ADAM29: variants seen among roughly 807,000 people sequenced by gnomAD.
The protein encoded by ADAM29 is disintegrin and metalloproteinase domain-containing protein 29.
For synonymous variants in ADAM29, 367 were observed against 342.3 expected (o/e 1.07, Z -0.80); for missense variants, 969 against 1,001.8 (o/e 0.97, Z 0.44).
Position 174,975,625 on chromosome 4 carries a change from G to A in ADAM29, c.100G>A (p.Val34Met), listed in dbSNP as rs373362630. The A allele has an allele frequency of 6.2e-7, 1 of 1,612,050 alleles. No homozygotes were observed. The highest frequency in any genetic ancestry group is 8.5e-7 in the Non-Finnish European group (1 of 1,178,948). ...HPQYHSPPDV[V>M]IPVRITGTTR... ...CCAATATCACAGCCCTCCGGATGTG[G>A]TGATTCCTGTGAGGATAACTGGCAC... Residue 34 changes from valine (V) to methionine (M), a missense_variant, in exon 5 of 5, where the codon GTG (valine) becomes ATG (methionine). Coordinates refer to ENST00000359240, the MANE Select transcript of ADAM29 (RefSeq NM_014269.4).
At chr4:174,947,378 T>C (rs899280205) in intron 4 of ADAM29, among the ~76,000 whole-genome samples, 2 of 152,150 alleles carry the variant, frequency 1.3e-5, no homozygotes, top group African/African-American at 4.8e-5. Flanking sequence ...GGTGTGGGCA[T>C]CTAGCACTAA....
intron 2 of ADAM29, chr4:174,923,981 G>A (rs1010619601): frequency 3.3e-5 from 5 of 152,200 alleles, no homozygotes; most frequent in Non-Finnish European, 7.3e-5. Context: ...CTGTCTTCAT[G>A]AATTCTTTGA....
intron 4 of ADAM29, among the ~76,000 whole-genome samples, chr4:174,967,756 G>A (rs1248705267): frequency 1.3e-5 from 2 of 152,122 alleles, no homozygotes; most frequent in Admixed American, 1.3e-4. Flanking sequence ...TCATGAAACC[G>A]CTTGGACTCA....
intron 4 of ADAM29, among the ~76,000 whole-genome samples, chr4:174,941,627 C>T (rs555695239): frequency 2.0e-3 from 309 of 152,148 alleles, no homozygotes; most frequent in Non-Finnish European, 2.9e-3. Flanking sequence ...GAAGTTCACC[C>T]CCATGATCAA....
Position 174,956,150 on chromosome 4 carries a change from C to T in ADAM29, c.-181+19137C>T, listed in dbSNP as rs78852969. Among the ~76,000 whole-genome samples the T allele has an allele frequency of 5.8e-3, 888 of 152,076 alleles. 10 individuals are homozygous for T. The highest frequency in any genetic ancestry group is 0.021 in the African/African-American group (856 of 41,544). On this transcript the variant is annotated intron_variant, in intron 4 of 4. Coordinates refer to ENST00000359240, the MANE Select transcript of ADAM29 (RefSeq NM_014269.4). ...CTTGAAGTCATATCTCTTACTGAGA[C>T]GCTTTCTTCCATCTCCTCCTCATCG...
At chr4:174,972,119 A>G (rs1377277911) in intron 4 of ADAM29, among the ~76,000 whole-genome samples, 1 of 152,132 alleles carries the variant, frequency 6.6e-6, no homozygotes, top group Non-Finnish European at 1.5e-5. Flanking sequence ...CTCCATAAAC[A>G]TCTTTATATC....
chr4:174,929,415 C>T (rs1326622220), intron 2 of ADAM29, among the ~76,000 whole-genome samples: 2 of 152,128 alleles, frequency 1.3e-5, no homozygotes, highest in Non-Finnish European at 2.9e-5. Flanking sequence ...AGATGAGGTC[C>T]TTATCACACA....
At chr4:174,931,667 A>G (rs1743885699) in intron 3 of ADAM29, among the ~76,000 whole-genome samples, 1 of 152,172 alleles carries the variant, frequency 6.6e-6, no homozygotes, top group Non-Finnish European at 1.5e-5. Context: ...CATAACCAAG[A>G]TCACACATAT....
chr4:174,973,647 T>C (rs1327493850), intron 4 of ADAM29, among the ~76,000 whole-genome samples: 1 of 152,182 alleles, frequency 6.6e-6, no homozygotes, highest in Non-Finnish European at 1.5e-5. Flanking sequence ...TGTGCTTTTG[T>C]GGGCTGAGTT....
At position 174,977,459 on chromosome 4, in the gene ADAM29, A is replaced by G. The variant is rs367933220; in HGVS notation, c.1934A>G (p.Asn645Ser). 3 of 1,613,920 alleles carry G rather than the reference A, an allele frequency of 1.9e-6. No homozygotes were observed. Among genetic ancestry groups the G allele is most frequent in the East Asian group, 2.2e-5 (1 of 44,888 alleles). ...AACAATAAACATCACTGCCATTGCA[A>G]TTATCTGTGGGACCCTCCCAACTGC... ...ICNNKHHCHC[N>S]YLWDPPNCLI... The change falls in exon 5 of 5, where the codon AAT (asparagine) becomes AGT (serine). Residue 645 changes from asparagine to serine, a missense_variant. Physicochemically the swap from Asn to Ser is conservative, Grantham distance 46. Transcript: ENST00000359240.
intron 2 of ADAM29, among the ~76,000 whole-genome samples, chr4:174,922,282 C>A (rs901608272): frequency 1.6e-4 from 25 of 152,272 alleles, no homozygotes; most frequent in African/African-American, 5.8e-4. Flanking sequence ...GTTACATACA[C>A]TCTTTCAACA....
Position 174,977,833 on chromosome 4 carries a change from C to T in ADAM29, c.2308C>T (p.Pro770Ser). Residue 770 changes from proline to serine, a missense_variant, in exon 5 of 5, where the codon CCT becomes TCT. Physicochemically the swap from Pro to Ser is moderately conservative, Grantham distance 74. Transcript: ENST00000359240. ...QPPVTPSQSQ[P>S]RVMPSQSQPP... is the part of the protein sequence containing the mutation. ...TCCTGTGACACCCTCCCAGAGTCAA[C>T]CTCGGGTGATGCCTTCTCAGAGTCA... The T allele has an allele frequency of 6.3e-7, 1 of 1,585,560 alleles. No homozygotes were observed. Among genetic ancestry groups the T allele is most frequent in the South Asian group, 1.1e-5 (1 of 88,986 alleles).
chr4:174,971,229 A>T (rs1026689700), intron 4 of ADAM29, among the ~76,000 whole-genome samples: 22 of 152,328 alleles, frequency 1.4e-4, no homozygotes, highest in African/African-American at 4.6e-4. Flanking sequence ...TGAATAAAAA[A>T]TAATAGTCAT....
chr4:174,977,665 T>A lies in ADAM29; in HGVS notation c.2140T>A (p.Ser714Thr), dbSNP rs551435964. 7 of 1,614,248 alleles carry A rather than the reference T, an allele frequency of 4.3e-6. No homozygotes were observed. The South Asian group carries it at 6.6e-5, about 15-fold the overall frequency. ...IKKQQDVQTP[S>T]AKEEEKIQRR... ...AAAGCAGCAAGATGTTCAAACTCCA[T>A]CTGCAAAAGAAGAGGAAAAAATTCA... The change falls in exon 5 of 5, where the codon TCT becomes ACT. Residue 714 changes from serine (S) to threonine (T), a missense_variant. Ser to Thr is a moderately conservative substitution (Grantham distance 58). Transcript: ENST00000359240.
chr4:174,971,217 A>T (rs993912051), intron 4 of ADAM29, among the ~76,000 whole-genome samples: 6 of 152,198 alleles, frequency 3.9e-5, no homozygotes, highest in Non-Finnish European at 8.8e-5. Context: ...ACATATTTGT[A>T]ATGAATAAAA....
At chr4:174,942,615 A>C (rs577989174) in intron 4 of ADAM29, among the ~76,000 whole-genome samples, 92 of 152,270 alleles carry the variant, frequency 6.0e-4, no homozygotes, top group African/African-American at 2.2e-3. Flanking sequence ...TTCACAGAGC[A>C]GTTGGGCCCT....
chr4:174,941,816 G>C (rs532517765), intron 4 of ADAM29, among the ~76,000 whole-genome samples: 1 of 151,864 alleles, frequency 6.6e-6, no homozygotes, highest in African/African-American at 2.4e-5. Flanking sequence ...TCATTCCAGC[G>C]TAACTCAAAA....
At chr4:174,970,899 G>T (rs1302748915) in intron 4 of ADAM29, among the ~76,000 whole-genome samples, 2 of 151,408 alleles carry the variant, frequency 1.3e-5, no homozygotes, top group Non-Finnish European at 2.9e-5. Flanking sequence ...AATTTTGTTT[G>T]TCTTTATTTT....
chr4:174,976,284 T>C lies in ADAM29; in HGVS notation c.759T>C (p.Asn253=), dbSNP rs746060639. 2 of 1,611,620 alleles carry C rather than the reference T, an allele frequency of 1.2e-6. No homozygotes were observed. The highest frequency in any genetic ancestry group is 2.2e-5 in the South Asian group (2 of 90,368). The change falls in exon 5 of 5, where the codon AAT becomes AAC. Residue 253 remains asparagine (N), a synonymous_variant. Transcript: ENST00000359240. ...VLLFGLEIWT[N]KNLIVVDDVR... The stretch of plus-strand genomic sequence containing the variant: ...TATTTGGTTTGGAGATCTGGACCAA[T>C]AAAAACCTCATTGTAGTAGATGATG...
Sources: gnomAD v4.1 joint callset for allele counts (sites outside exome capture counted in the v4.1 genomes callset) on GRCh38, gnomAD v4.1.1 for gene constraint, MANE v1.5 for transcripts, NCBI Gene and HGNC (gene_info 2026-07-23, HGNC 2026-07-21) for gene names.